The following RPA1 variants were observed in gnomAD, a reference collection of about 807,000 sequenced individuals.
RPA1 encodes the protein replication protein A 70 kDa DNA-binding subunit.
Under a neutral mutation model 83.0 loss-of-function variants are expected in RPA1, and 49 were observed. That is an observed-to-expected ratio of 0.59 (90% CI 0.47 to 0.75). RPA1 has a LOEUF of 0.75. Ranked by LOEUF, RPA1 falls within the 30% of genes least tolerant of loss-of-function variation. The pLI, the probability that RPA1 is intolerant of heterozygous loss-of-function variation, is 0.00. For synonymous variants in RPA1, 279 were observed against 281.8 expected (o/e 0.99, Z 0.10); for missense variants, 693 against 776.1 (o/e 0.89, Z 1.27).
intron 1 of RPA1, among the ~76,000 whole-genome samples, chr17:1,840,012 C>T (rs773412937): frequency 2.0e-5 from 3 of 151,626 alleles, no homozygotes; most frequent in Non-Finnish European, 4.4e-5. Flanking sequence ...AGGTTGGTCT[C>T]GAACTCCTGA....
chr17:1,859,869 G>A (rs1912874617), intron 5 of RPA1, among the ~76,000 whole-genome samples: 1 of 152,214 alleles, frequency 6.6e-6, no homozygotes, highest in African/African-American at 2.4e-5. Context: ...CTGGAGTGCA[G>A]TGGCGTGATC....
At chr17:1,858,271 G>A (rs1912795669) in intron 5 of RPA1, 2 of 1,612,418 alleles carry the variant, frequency 1.2e-6, no homozygotes, top group South Asian at 2.2e-5. Flanking sequence ...AAAGTTCCCA[G>A]GGAGTAACAC....
At chr17:1,859,136 C>T (rs550838020) in intron 5 of RPA1, among the ~76,000 whole-genome samples, 4 of 152,244 alleles carry the variant, frequency 2.6e-5, no homozygotes, top group East Asian at 3.9e-4. Context: ...CTCCTGACCT[C>T]GGATGATCTG....
At chr17:1,878,904 G>A in intron 8 of RPA1, 89 bp from the exon 9 acceptor site, 2 of 1,239,760 alleles carry the variant, frequency 1.6e-6, no homozygotes, top group East Asian at 2.3e-5. Flanking sequence ...TGGTGCTAGG[G>A]TGGCCTGTGT....
At position 1,899,211 on chromosome 17, in the gene RPA1, A is replaced by C. The variant is rs1914562090; in HGVS notation, c.*2036A>C. On this transcript the variant is annotated 3_prime_UTR_variant, in exon 17 of 17. Coordinates refer to ENST00000254719, the MANE Select transcript of RPA1 (RefSeq NM_002945.5). Reference sequence around the variant, plus strand: ...CACTCAAAGATCAGATCACCAGCAGAGGAGCATCAGAAACTGGCTCCACTG... The same window carrying C: ...CACTCAAAGATCAGATCACCAGCAGCGGAGCATCAGAAACTGGCTCCACTG... The C allele has an allele frequency of 6.5e-6, 1 of 153,000 alleles. No individual in the cohort carries two copies. Among genetic ancestry groups the C allele is most frequent in the Admixed American group, 6.5e-5 (1 of 15,282 alleles). 9.5% of individuals were successfully genotyped at this position (153,000 alleles called of 1,614,324 possible).
At chr17:1,849,616 T>C (rs1273102931) in intron 4 of RPA1, among the ~76,000 whole-genome samples, 1 of 150,696 alleles carries the variant, frequency 6.6e-6, no homozygotes, top group Middle Eastern at 3.2e-3. Flanking sequence ...ATTTGTCATT[T>C]TGTTTTTTTT....
chr17:1,850,350 A>G (rs1372149140), intron 4 of RPA1, among the ~76,000 whole-genome samples: 4 of 149,234 alleles, frequency 2.7e-5, no homozygotes, highest in Non-Finnish European at 4.4e-5. Flanking sequence ...TGGCTGGCCA[A>G]CATGGTGAAA....
At chr17:1,858,378 A>G (rs1912800989) in intron 5 of RPA1, 3 of 1,602,416 alleles carry the variant, frequency 1.9e-6, no homozygotes, top group African/African-American at 1.3e-5. Flanking sequence ...AATTTCTGAT[A>G]CAGAGCTGAG....
intron 5 of RPA1, among the ~76,000 whole-genome samples, chr17:1,867,129 G>C (rs1001390680): frequency 6.6e-6 from 1 of 152,022 alleles, no homozygotes; most frequent in African/African-American, 2.4e-5. Context: ...TAAATTATTC[G>C]GCTAAATTAT....
At chr17:1,857,222 T>C (rs1912731118) in intron 5 of RPA1, among the ~76,000 whole-genome samples, 1 of 151,856 alleles carries the variant, frequency 6.6e-6, no homozygotes, top group Non-Finnish European at 1.5e-5. Flanking sequence ...GAAATGTGTT[T>C]AGTTTTTAAA....
intron 1 of RPA1, among the ~76,000 whole-genome samples, chr17:1,839,986 T>C (rs1911984789): frequency 1.3e-5 from 2 of 151,330 alleles, no homozygotes; most frequent in African/African-American, 4.9e-5. Flanking sequence ...AGAGACGGGG[T>C]TTCACCATGT....
chr17:1,872,382 CT>C (rs1913404349), intron 5 of RPA1, 51 bp from the exon 6 acceptor site: 4 of 1,595,030 alleles, frequency 2.5e-6, no homozygotes, highest in Non-Finnish European at 1.7e-6. Flanking sequence ...AAGTTTAAAT[CT>C]CTTAACCCAA....
At position 1,888,656 on chromosome 17, in the gene RPA1, C is replaced by G. The variant is rs534132738; in HGVS notation, c.1375-19C>G. 6.2e-7 allele frequency: 1 copy of G among 1,601,902 alleles called. No individual in the cohort carries two copies. On this transcript the variant is annotated intron_variant, in intron 13 of 16. Transcript: ENST00000254719. ...CGGGCTCGCGACTCCGTGCCTCATG[C>G]TGTTCTTTTCTCCCGAAGCCGGACT...
intron 14 of RPA1, among the ~76,000 whole-genome samples, chr17:1,891,004 C>G (rs1453353151): frequency 6.6e-6 from 1 of 152,152 alleles, no homozygotes; most frequent in Admixed American, 6.5e-5. Context: ...GCGCTTTTCA[C>G]TTTTAACTGG....
At position 1,852,635 on chromosome 17, in the gene RPA1, A is replaced by G. The variant is rs574067964; in HGVS notation, c.273-466A>G. ...AGGTTTTTCTTTGTGGCCTAAGGTC[A>G]TTGGGAAGTTATCACAACGTTTTAA... On this transcript the variant is annotated intron_variant, in intron 4 of 16. Transcript: ENST00000254719. Among the ~76,000 whole-genome samples the G allele has an allele frequency of 6.6e-5, 10 of 152,364 alleles. No individual in the cohort carries two copies. The South Asian group carries it at 2.1e-3, about 32-fold the overall frequency.
At position 1,852,997 on chromosome 17, in the gene RPA1, G is replaced by A. The variant is rs1369610338; in HGVS notation, c.273-104G>A. 5 of 849,208 alleles carry A rather than the reference G, an allele frequency of 5.9e-6. No homozygotes were observed. The African/African-American group carries it at 6.8e-5, about 11-fold the overall frequency. 52.6% of individuals were successfully genotyped at this position (849,208 alleles called of 1,614,324 possible). On this transcript the variant is annotated intron_variant, in intron 4 of 16. Transcript: ENST00000254719. Reference sequence around the variant, plus strand: ...TATTTATGTAAACAGATGACAAATGGAAAATAGTTCATCACAATGATCATC... The same window carrying A: ...TATTTATGTAAACAGATGACAAATGAAAAATAGTTCATCACAATGATCATC...
At chr17:1,886,244 A>G (rs1002576410) in intron 13 of RPA1, among the ~76,000 whole-genome samples, 2 of 152,238 alleles carry the variant, frequency 1.3e-5, no homozygotes, top group African/African-American at 4.8e-5. Context: ...TGGGCTTAAA[A>G]TATTCAATAA....
rs570443340 is a variant in RPA1 at position 1,831,805 on chromosome 17, T to C, written c.33+1679T>C. 4.5e-4 allele frequency among the ~76,000 whole-genome samples: 69 copies of C among 151,922 alleles called. 1 individual carries two copies. The highest frequency in any genetic ancestry group is 4.2e-4 in the South Asian group (2 of 4,806). ...TAGTAGAGACGGGGTTTCACCGTGT[T>C]AGCCAGGATGGTCTCGATCTCCTGA... On this transcript the variant is annotated intron_variant, in intron 1 of 16. Transcript: ENST00000254719.
intron 16 of RPA1, among the ~76,000 whole-genome samples, chr17:1,895,375 A>G (rs1914372734): frequency 6.8e-6 from 1 of 147,880 alleles, no homozygotes; most frequent in African/African-American, 2.5e-5. Context: ...GTTAAATCCT[A>G]GGATTTTTTC....
Sources: allele counts gnomAD v4.1 joint callset (sites outside exome capture counted in the v4.1 genomes callset), GRCh38; gene constraint gnomAD v4.1.1; transcripts MANE v1.5; gene names NCBI Gene and HGNC (gene_info 2026-07-23, HGNC 2026-07-21).